The following LRFN5 variants were observed in gnomAD, a reference collection of about 807,000 sequenced individuals.
The protein encoded by LRFN5 is leucine-rich repeat and fibronectin type-III domain-containing protein 5.
In LRFN5, 24 loss-of-function variants were observed where a neutral mutation model predicts 45.6. The ratio of observed to expected loss-of-function variants is 0.53; its 90% CI spans 0.38 to 0.74. LRFN5 has a LOEUF of 0.74. LRFN5 is among the 30% of genes least tolerant of loss of function. The pLI is 0.00. For synonymous variants in LRFN5, 340 were observed against 313.8 expected (o/e 1.08, Z -0.88); for missense variants, 776 against 861.5 (o/e 0.90, Z 1.24).
intron 1 of LRFN5, among the ~76,000 whole-genome samples, chr14:41,721,628 C>T (rs1465036052): frequency 6.6e-6 from 1 of 152,094 alleles, no homozygotes; most frequent in Non-Finnish European, 1.5e-5. Flanking sequence ...TGTTATGAAG[C>T]TTAAATGGTG....
chr14:41,890,201 T>C (rs889028169), intron 3 of LRFN5, among the ~76,000 whole-genome samples: 2 of 152,116 alleles, frequency 1.3e-5, no homozygotes, highest in South Asian at 2.1e-4. Context: ...TTAGGCACTG[T>C]CTAAACTCTT....
chr14:41,862,731 G>GTA (rs998768272), intron 2 of LRFN5, among the ~76,000 whole-genome samples: 2 of 152,034 alleles, frequency 1.3e-5, no homozygotes, highest in Admixed American at 6.6e-5. Flanking sequence ...TGGTGGATGT[G>GTA]TATATATGTA....
Position 41,759,448 on chromosome 14 carries a change from TACACACACACAC to T in LRFN5, c.-196-7366_-196-7355del, listed in dbSNP as rs569216156. ...CATTATAAAGTATATTCTCTCTCTC[TACACACACACAC>T]ACACACACACACACACACACACACA... On this transcript the variant is annotated intron_variant, in intron 1 of 5. Coordinates refer to ENST00000298119, the MANE Select transcript of LRFN5 (RefSeq NM_152447.5). 6.1e-3 allele frequency among the ~76,000 whole-genome samples: 666 copies of T among 109,748 alleles called. 11 individuals carry two copies. The highest frequency in any genetic ancestry group is 0.018 in the African/African-American group (531 of 28,932). The allele number at this position is 109,748 out of a possible 152,430, so 72.0% of individuals were successfully genotyped here. A position where few individuals can be genotyped will look rare whatever the true frequency, so the allele number is the denominator to read the frequency against.
chr14:41,749,184 A>T (rs1885033343), intron 1 of LRFN5, among the ~76,000 whole-genome samples: 4 of 149,260 alleles, frequency 2.7e-5, no homozygotes, highest in Non-Finnish European at 6.0e-5. Flanking sequence ...TGTTGCAATG[A>T]CAATTAAATT....
At chr14:41,798,112 A>G (rs772681653) in intron 2 of LRFN5, among the ~76,000 whole-genome samples, 7 of 151,698 alleles carry the variant, frequency 4.6e-5, no homozygotes, top group Non-Finnish European at 7.4e-5. Context: ...TCCTCAGACA[A>G]CCCTTCATTA....
At chr14:41,630,691 T>C (rs192996015) in intron 1 of LRFN5, among the ~76,000 whole-genome samples, 3 of 152,282 alleles carry the variant, frequency 2.0e-5, no homozygotes, top group African/African-American at 7.2e-5. Context: ...TCTTTTACTT[T>C]ATTCATTTAA....
chr14:41,701,868 G>A (rs1882853419), intron 1 of LRFN5, among the ~76,000 whole-genome samples: 1 of 152,088 alleles, frequency 6.6e-6, no homozygotes, highest in African/African-American at 2.4e-5. Context: ...GCATCACCTA[G>A]AAGCCTTTCA....
intron 1 of LRFN5, among the ~76,000 whole-genome samples, chr14:41,735,731 T>A (rs1018078366): frequency 1.3e-5 from 2 of 152,080 alleles, no homozygotes; most frequent in African/African-American, 4.8e-5. Flanking sequence ...CATTAGGTAT[T>A]TCTCCTAATG....
chr14:41,830,411 G>T (rs1194253353), intron 2 of LRFN5, among the ~76,000 whole-genome samples: 1 of 151,988 alleles, frequency 6.6e-6, no homozygotes, highest in African/African-American at 2.4e-5. Flanking sequence ...TATTTAAAGG[G>T]TTTTATTAAT....
At chr14:41,751,218 C>A (rs547757763) in intron 1 of LRFN5, among the ~76,000 whole-genome samples, 1 of 152,176 alleles carries the variant, frequency 6.6e-6, no homozygotes, top group South Asian at 2.1e-4. Context: ...GAACAGGGAG[C>A]CAAACCATTT....
intron 1 of LRFN5, among the ~76,000 whole-genome samples, chr14:41,766,521 C>G (rs1236385128): frequency 1.3e-5 from 2 of 151,356 alleles, no homozygotes; most frequent in Admixed American, 1.3e-4. Context: ...TATATGTTAA[C>G]TTATGCACTG....
intron 1 of LRFN5, among the ~76,000 whole-genome samples, chr14:41,644,817 C>T (rs1281371005): frequency 6.6e-6 from 1 of 152,174 alleles, no homozygotes; most frequent in African/African-American, 2.4e-5. Flanking sequence ...CTGGGAGAAT[C>T]TTGGCTGAAG....
At chr14:41,709,840 T>G (rs992764385) in intron 1 of LRFN5, among the ~76,000 whole-genome samples, 11 of 152,038 alleles carry the variant, frequency 7.2e-5, no homozygotes, top group African/African-American at 2.7e-4. Flanking sequence ...AAAAATATAA[T>G]ATTTTACTCC....
At chr14:41,856,677 T>TATTATTATTATTATTATTA (rs1555326983) in intron 2 of LRFN5, among the ~76,000 whole-genome samples, 2 of 14,362 alleles carry the variant, frequency 1.4e-4, no homozygotes, top group African/African-American at 3.1e-4. Context: ...TTATTATTAT[T>TATTATTATTATTATTATTA]TTTTTTTTTT....
At chr14:41,844,705 C>T (rs1199477665) in intron 2 of LRFN5, among the ~76,000 whole-genome samples, 1 of 152,092 alleles carries the variant, frequency 6.6e-6, no homozygotes, top group Non-Finnish European at 1.5e-5. Context: ...GATATAAGTA[C>T]TCCCAACATG....
At chr14:41,707,421 T>C (rs1429550887) in intron 1 of LRFN5, among the ~76,000 whole-genome samples, 1 of 152,194 alleles carries the variant, frequency 6.6e-6, no homozygotes, top group Non-Finnish European at 1.5e-5. Context: ...GATATATTGC[T>C]TTATTTTGCA....
chr14:41,737,580 A>T (rs1187107887), intron 1 of LRFN5, among the ~76,000 whole-genome samples: 2 of 152,214 alleles, frequency 1.3e-5, no homozygotes, highest in Non-Finnish European at 2.9e-5. Context: ...TGTGGATGAC[A>T]TGATTGTATA....
At chr14:41,611,354 G>C (rs1887750553) in intron 1 of LRFN5, among the ~76,000 whole-genome samples, 1 of 152,146 alleles carries the variant, frequency 6.6e-6, no homozygotes, top group Non-Finnish European at 1.5e-5. Flanking sequence ...AAAATGGAGA[G>C]GGTACAAGTT....
chr14:41,769,628 A>C (rs549395576), intron 2 of LRFN5, among the ~76,000 whole-genome samples: 52 of 152,182 alleles, frequency 3.4e-4, no homozygotes, highest in Non-Finnish European at 6.5e-4. Context: ...TATTCCTTTT[A>C]ACTATTAAGG....
Sources: gnomAD v4.1 joint callset for allele counts (sites outside exome capture counted in the v4.1 genomes callset) on GRCh38, gnomAD v4.1.1 for gene constraint, MANE v1.5 for transcripts, NCBI Gene and HGNC (gene_info 2026-07-23, HGNC 2026-07-21) for gene names.